KRABD3: variants seen among roughly 807,000 people sequenced by gnomAD.
The protein encoded by KRABD3 is KRAB domain-containing protein 3.
chr7:149,722,421 G>A, the KRABD3 span: 13 of 1,604,370 alleles, frequency 8.1e-6, no homozygotes, highest in Middle Eastern at 8.4e-4. Flanking sequence ...TCCTGCAACA[G>A]AAACTGCCGA....
At chr7:149,733,682 C>G in the KRABD3 span, 1 of 1,583,970 alleles carries the variant, frequency 6.3e-7, no homozygotes, top group African/African-American at 1.3e-5. Context: ...GACCGCTCGC[C>G]GGGCACGTCC....
chr7:149,730,804 C>T, the KRABD3 span: 2 of 574,390 alleles, frequency 3.5e-6, no homozygotes, highest in East Asian at 5.6e-5. Flanking sequence ...ATGCCACGTA[C>T]ACGGTGTTTG....
At chr7:149,731,424 C>T in the KRABD3 span, among the ~76,000 whole-genome samples, 2 of 152,128 alleles carry the variant, frequency 1.3e-5, no homozygotes, top group Non-Finnish European at 2.9e-5. Flanking sequence ...GTCCTTTTTC[C>T]CAGCTGCCTC....
At chr7:149,723,849 G>A in the KRABD3 span, 1 of 1,613,900 alleles carries the variant, frequency 6.2e-7, no homozygotes, top group Non-Finnish European at 8.5e-7. Context: ...GGAACCGACG[G>A]CTACAGGAGA....
the KRABD3 span, chr7:149,731,692 C>G: frequency 6.2e-7 from 1 of 1,611,082 alleles, no homozygotes; most frequent in East Asian, 2.2e-5. Flanking sequence ...GGATCCCTGC[C>G]CGGTTTCTCA....
the KRABD3 span, chr7:149,728,434 C>T: frequency 6.8e-7 from 1 of 1,462,282 alleles, no homozygotes; most frequent in East Asian, 2.3e-5. Flanking sequence ...GACCCCCCTT[C>T]CCTGGACACA....
chr7:149,733,869 A>T, the KRABD3 span: 47 of 1,593,678 alleles, frequency 2.9e-5, no homozygotes, highest in Non-Finnish European at 3.8e-5. Flanking sequence ...TTACCCCTGC[A>T]GGGAGCCTCT....
chr7:149,733,617 T>C, the KRABD3 span: 1 of 1,594,214 alleles, frequency 6.3e-7, no homozygotes, highest in African/African-American at 1.3e-5. Flanking sequence ...CCAAAGATCC[T>C]GCGTGGCCAG....
At chr7:149,730,303 C>T in the KRABD3 span, 150 of 1,549,362 alleles carry the variant, frequency 9.7e-5, no homozygotes, top group African/African-American at 1.2e-3. Context: ...GGAGAAGACC[C>T]GAGGCCAGAG....
chr7:149,723,589 G>T, the KRABD3 span: 2 of 749,750 alleles, frequency 2.7e-6, no homozygotes, highest in Non-Finnish European at 4.2e-6. Context: ...TGTGGACCCA[G>T]GCACTGGGAA....
chr7:149,725,442 T>C, the KRABD3 span: 1 of 1,612,404 alleles, frequency 6.2e-7, no homozygotes, highest in Admixed American at 1.7e-5. Context: ...CAGGAGACTC[T>C]AGGTCTCAGA....
the KRABD3 span, chr7:149,722,850 G>A: frequency 6.2e-7 from 1 of 1,613,464 alleles, no homozygotes; most frequent in South Asian, 1.1e-5. Flanking sequence ...TTGTGCCTGG[G>A]CCCCGGCACC....
At chr7:149,720,886 AG>A in the KRABD3 span, 2 of 1,609,542 alleles carry the variant, frequency 1.2e-6, no homozygotes, top group Admixed American at 3.4e-5. Flanking sequence ...CAGCTGGTGA[AG>A]GAGATCCCAG....
chr7:149,729,198 T>C, the KRABD3 span: 5 of 1,541,978 alleles, frequency 3.2e-6, no homozygotes, highest in Admixed American at 4.1e-5. Context: ...GACTGAGGGC[T>C]GAGGCCTGCG....
the KRABD3 span, chr7:149,722,441 G>T: frequency 6.2e-7 from 1 of 1,607,546 alleles, no homozygotes; most frequent in African/African-American, 1.3e-5. Flanking sequence ...ACAAACCGTG[G>T]CCTACAAGGA....
At chr7:149,724,946 G>A in the KRABD3 span, 2 of 1,056,428 alleles carry the variant, frequency 1.9e-6, no homozygotes, top group Non-Finnish European at 2.6e-6. Context: ...TCTCAGCAGG[G>A]AGCCGCCCCC....
the KRABD3 span, chr7:149,722,283 C>T: frequency 6.7e-5 from 77 of 1,145,168 alleles, no homozygotes; most frequent in East Asian, 5.1e-4. Context: ...CAGAAAGAAA[C>T]GGTAAAGGCC....
chr7:149,719,319 T>G, the KRABD3 span: 11 of 428,678 alleles, frequency 2.6e-5, no homozygotes, highest in Non-Finnish European at 3.7e-5. The surrounding 1 kb of genome is among the most constrained non-coding windows in gnomAD (Gnocchi z 5.6). Context: ...ACTCTGTTTC[T>G]AAATAAGGTC....
At chr7:149,719,642 C>T in the KRABD3 span, 12 of 1,606,628 alleles carry the variant, frequency 7.5e-6, no homozygotes, top group African/African-American at 4.1e-5. This position sits in a 1 kb window ranked among gnomAD's most constrained non-coding sequence, Gnocchi z 5.6. Flanking sequence ...AGACGTGATG[C>T]GGGAGAACTA....
Sources: allele counts gnomAD v4.1 joint callset (sites outside exome capture counted in the v4.1 genomes callset), GRCh38; gene constraint gnomAD v4.1.1; non-coding constraint Gnocchi (gnomAD v3.1); transcripts MANE v1.5; gene names NCBI Gene and HGNC (gene_info 2026-07-23, HGNC 2026-07-21).